The following ALDH1L2 variants were observed in gnomAD, a reference collection of about 807,000 sequenced individuals.
ALDH1L2 encodes the protein mitochondrial 10-formyltetrahydrofolate dehydrogenase.
Under a neutral mutation model 111.0 loss-of-function variants are expected in ALDH1L2, and 91 were observed. The observed-to-expected ratio is 0.82, with a 90% CI of 0.69 to 0.98. The LOEUF is 0.98. Ranked by LOEUF, ALDH1L2 falls within the 50% of genes least tolerant of loss-of-function variation. The pLI, the probability that ALDH1L2 is intolerant of heterozygous loss-of-function variation, is 0.00. For synonymous variants in ALDH1L2, 374 were observed against 392.6 expected (o/e 0.95, Z 0.56); for missense variants, 995 against 1,126.8 (o/e 0.88, Z 1.67).
intron 21 of ALDH1L2, among the ~76,000 whole-genome samples, chr12:105,028,731 A>G (rs534998055): frequency 9.8e-5 from 15 of 152,342 alleles, no homozygotes; most frequent in African/African-American, 3.4e-4. Context: ...GACTATCAAG[A>G]TATCACCATA....
At chr12:105,049,788 A>C in intron 13 of ALDH1L2, 120 bp downstream of exon 13, 1 of 1,163,206 alleles carries the variant, frequency 8.6e-7, no homozygotes, top group Non-Finnish European at 1.2e-6. Flanking sequence ...ATGGATTGAG[A>C]CAACCCTGTT....
intron 17 of ALDH1L2, 97 bp from the exon 18 acceptor site, chr12:105,038,299 C>T (rs866062755): frequency 3.2e-6 from 2 of 630,008 alleles, no homozygotes; most frequent in South Asian, 1.9e-5. Context: ...CACACACACA[C>T]ACACACACAC....
chr12:105,074,824 A>G (rs1029068484), intron 1 of ALDH1L2, among the ~76,000 whole-genome samples: 1 of 152,234 alleles, frequency 6.6e-6, no homozygotes, highest in African/African-American at 2.4e-5. Context: ...CTTCCCTGTA[A>G]TTGAGCAGAT....
intron 16 of ALDH1L2, 149 bp from the exon 17 acceptor site, chr12:105,039,955 C>G: frequency 1.6e-6 from 1 of 633,350 alleles, no homozygotes; most frequent in South Asian, 1.7e-5. Flanking sequence ...ATGGTGAAAC[C>G]CTGTCACTAC....
At chr12:105,038,477 A>C (rs1275813390) in intron 17 of ALDH1L2, among the ~76,000 whole-genome samples, 2 of 152,104 alleles carry the variant, frequency 1.3e-5, no homozygotes, top group Non-Finnish European at 2.9e-5. Context: ...GACCAGCCTG[A>C]GCAACATGGC....
intron 1 of ALDH1L2, among the ~76,000 whole-genome samples, chr12:105,078,971 C>T (rs984877386): frequency 6.6e-6 from 1 of 152,134 alleles, no homozygotes; most frequent in Non-Finnish European, 1.5e-5. Flanking sequence ...CATTATGGAG[C>T]GCTTTGTGTC....
At chr12:105,043,427 A>T (rs1253063338) in intron 15 of ALDH1L2, among the ~76,000 whole-genome samples, 3 of 152,230 alleles carry the variant, frequency 2.0e-5, no homozygotes, top group African/African-American at 7.2e-5. Flanking sequence ...CGACAGTCAC[A>T]TTGTGAGGTT....
chr12:105,063,066 C>T (rs1565966756), intron 6 of ALDH1L2, 44 bp from the exon 7 acceptor site: 1 of 1,591,638 alleles, frequency 6.3e-7, no homozygotes, highest in East Asian at 2.2e-5. Flanking sequence ...AGGAGAAAAG[C>T]TGTTCATAGC....
rs369317091 is a variant in ALDH1L2, at chr12:105,026,540, C to T, written c.2716+5G>A. 5 of 1,613,820 alleles carry T rather than the reference C, an allele frequency of 3.1e-6. No homozygotes were observed. The African/African-American group carries it at 5.3e-5, about 17-fold the overall frequency. ...GGAAGGTGAAGCAGAAAAGTAAAGC[C>T]ATACCTAAGTCTTTTCCAAAGCCAG... On this transcript the variant is annotated splice_donor_5th_base_variant and intron_variant, in intron 22 of 22. Coordinates refer to ENST00000258494, the MANE Select transcript of ALDH1L2 (RefSeq NM_001034173.4).
At chr12:105,041,623 A>G (rs75718473) in intron 15 of ALDH1L2, among the ~76,000 whole-genome samples, 1 of 152,366 alleles carries the variant, frequency 6.6e-6, no homozygotes, top group Non-Finnish European at 1.5e-5. Flanking sequence ...ATCCTAAAGT[A>G]TCATGATGGT....
chr12:105,046,213 ATATATATATTTTTTTTTTTT>A (rs1875882112), intron 15 of ALDH1L2, among the ~76,000 whole-genome samples: 5 of 43,398 alleles, frequency 1.2e-4, no homozygotes, highest in African/African-American at 5.1e-4. Flanking sequence ...ATATATATAT[ATATATATATTTTTTTTTTTT>A]TTTTTTTTTT....
At chr12:105,024,550 A>G in intron 22 of ALDH1L2, 71 bp from the exon 23 acceptor site, 3 of 1,475,798 alleles carry the variant, frequency 2.0e-6, no homozygotes, top group Non-Finnish European at 2.8e-6. Context: ...ACCTTCAGAC[A>G]TAGGTATACG....
Position 105,061,767 on chromosome 12 carries a change from C to A in ALDH1L2, c.922-15G>T, listed in dbSNP as rs767856710. The A allele has an allele frequency of 6.2e-7, 1 of 1,613,804 alleles. No individual in the cohort carries two copies. The highest frequency in any genetic ancestry group is 8.5e-7 in the Non-Finnish European group (1 of 1,179,938). On this transcript the variant is annotated splice_polypyrimidine_tract_variant and intron_variant, in intron 7 of 22. Coordinates refer to ENST00000258494, the MANE Select transcript of ALDH1L2 (RefSeq NM_001034173.4). ...CTCACCGTCAGCTACAAAATAGCAA[C>A]AAAACAAGCATAAAAATTGAGGATT... is the stretch of plus-strand genomic sequence containing the variant.
intron 10 of ALDH1L2, among the ~76,000 whole-genome samples, chr12:105,056,230 TGAAGGCCA>T (rs1876621876): frequency 6.6e-6 from 1 of 152,186 alleles, no homozygotes; most frequent in South Asian, 2.1e-4. Flanking sequence ...TCAGAAACCA[TGAAGGCCA>T]GAAGGCAATA....
At chr12:105,050,330 C>T in intron 12 of ALDH1L2, 1 of 234,854 alleles carries the variant, frequency 4.3e-6, no homozygotes, top group Non-Finnish European at 8.2e-6. Flanking sequence ...AATGACTGAG[C>T]CAGTACCAGT....
In ALDH1L2 at chr12:105,038,256, T is replaced by TCA; in HGVS notation, c.2046-55_2046-54insTG. The stretch of plus-strand genomic sequence containing the variant: ...TTTAGTTAACATCTCTCTCTCTCTC[T>TCA]CTCTCACACACACACACACACAAAC... On this transcript the variant is annotated intron_variant, in intron 17 of 22. Transcript: ENST00000258494. The TCA allele has an allele frequency of 3.8e-5, 29 of 760,692 alleles. 1 individual carries two copies. The highest frequency in any genetic ancestry group is 2.3e-5 in the Admixed American group (1 of 43,822). 47.1% of individuals were successfully genotyped at this position (760,692 alleles called of 1,614,324 possible). A position where few individuals can be genotyped will look rare whatever the true frequency, so the allele number is the denominator to read the frequency against.
chr12:105,033,816 C>T (rs1036925117), intron 19 of ALDH1L2, among the ~76,000 whole-genome samples: 1 of 152,120 alleles, frequency 6.6e-6, no homozygotes, highest in Admixed American at 6.5e-5. Flanking sequence ...GTGTATCTCT[C>T]ATAGTTTATT....
chr12:105,024,367 G>A lies in ALDH1L2; in HGVS notation c.*57C>T. ...GCCTCAACACACCCAATCTTCTTAA[G>A]TGTGTCCAGAGTTGTAAAGGGCTGT... On this transcript the variant is annotated 3_prime_UTR_variant, in exon 23 of 23. Coordinates refer to ENST00000258494, the MANE Select transcript of ALDH1L2 (RefSeq NM_001034173.4). 3 of 1,592,908 alleles carry A rather than the reference G, an allele frequency of 1.9e-6. No individual in the cohort carries two copies. Among genetic ancestry groups the A allele is most frequent in the Non-Finnish European group, 2.6e-6 (3 of 1,162,090 alleles).
At chr12:105,060,827 GAAAAA>G (rs10674036) in intron 9 of ALDH1L2, 149 bp downstream of exon 9, 7,520 of 139,884 alleles carry the variant, frequency 0.054, 92 homozygotes, top group Admixed American at 0.085. Flanking sequence ...TCCATCTCAG[GAAAAA>G]AAAAAAAAAA....
Sources: allele counts gnomAD v4.1 joint callset (sites outside exome capture counted in the v4.1 genomes callset), GRCh38; gene constraint gnomAD v4.1.1; transcripts MANE v1.5; gene names NCBI Gene and HGNC (gene_info 2026-07-23, HGNC 2026-07-21).